The following MRPS9 variants were observed in gnomAD, a reference collection of about 807,000 sequenced individuals.
The protein encoded by MRPS9 is small ribosomal subunit protein uS9m.
MRPS9 carries 45 observed loss-of-function variants against 59.9 expected under a neutral mutation model. The ratio of observed to expected loss-of-function variants is 0.75; its 90% CI spans 0.59 to 0.96. The LOEUF is 0.96. Ranked by LOEUF, MRPS9 falls within the 40% of genes least tolerant of loss-of-function variation. The pLI is 0.00. For synonymous variants in MRPS9, 171 were observed against 166.8 expected, an observed-to-expected ratio of 1.03 and a Z score of -0.19; for missense variants, 473 against 481.1, an observed-to-expected ratio of 0.98 and a Z score of 0.16.
chr2:105,097,006 T>G (rs1680674873), intron 9 of MRPS9, 149 bp from the exon 10 acceptor site: 1 of 721,716 alleles, frequency 1.4e-6, no homozygotes. Context: ...TGTTTCTATA[T>G]CTTGGTAAAA....
intron 2 of MRPS9, among the ~76,000 whole-genome samples, chr2:105,061,771 G>A (rs572856663): frequency 3.9e-5 from 6 of 152,238 alleles, no homozygotes; most frequent in African/African-American, 1.4e-4. Flanking sequence ...GATACTGTTC[G>A]TATGGGTGCT....
At chr2:105,040,553 C>A (rs563896927) in intron 1 of MRPS9, among the ~76,000 whole-genome samples, 1 of 152,114 alleles carries the variant, frequency 6.6e-6, no homozygotes, top group Non-Finnish European at 1.5e-5. Context: ...GAAAAAGAAG[C>A]GAGTTTTGTT....
intron 2 of MRPS9, among the ~76,000 whole-genome samples, chr2:105,052,209 G>A (rs559088442): frequency 6.6e-6 from 1 of 152,282 alleles, no homozygotes; most frequent in Non-Finnish European, 1.5e-5. Flanking sequence ...GATCTTGGGG[G>A]AAAGCATTCA....
chr2:105,079,969 C>T lies in MRPS9; in HGVS notation c.410-14C>T. ...TATATTTTTATTTGCTTTCATCTGG[C>T]TTTTTTAAATCAGCAATCCAGTGGG... is the stretch of plus-strand genomic sequence containing the variant. On this transcript the variant is annotated splice_polypyrimidine_tract_variant and intron_variant, in intron 4 of 10. Transcript: ENST00000258455. The T allele has an allele frequency of 6.2e-7, 1 of 1,604,862 alleles. No individual in the cohort carries two copies. Among genetic ancestry groups the T allele is most frequent in the East Asian group, 2.2e-5 (1 of 44,538 alleles).
Position 105,079,963 on chromosome 2 carries a change from A to G in MRPS9, c.410-20A>G. 2 of 1,598,594 alleles carry G rather than the reference A, an allele frequency of 1.3e-6. No individual in the cohort carries two copies. Among genetic ancestry groups the G allele is most frequent in the Non-Finnish European group, 1.7e-6 (2 of 1,168,658 alleles). On this transcript the variant is annotated intron_variant, in intron 4 of 10. Transcript: ENST00000258455. ...TCTGTGTATATTTTTATTTGCTTTC[A>G]TCTGGCTTTTTTAAATCAGCAATCC...
chr2:105,056,533 TA>T (rs1181154378), intron 2 of MRPS9, among the ~76,000 whole-genome samples: 1 of 152,326 alleles, frequency 6.6e-6, no homozygotes, highest in South Asian at 2.1e-4. Flanking sequence ...CTGGCATAAC[TA>T]AACTCGTTAA....
At chr2:105,038,304 G>A in intron 1 of MRPS9, 77 bp downstream of exon 1, 1 of 1,541,306 alleles carries the variant, frequency 6.5e-7, no homozygotes, top group South Asian at 1.2e-5. Context: ...CCTTCCCCCA[G>A]CGTCTCGCGT....
chr2:105,099,763 G>C lies in MRPS9; in HGVS notation c.*2G>C, dbSNP rs776402704. 7 of 1,613,902 alleles carry C rather than the reference G, an allele frequency of 4.3e-6. No individual in the cohort carries two copies. In the African/African-American group the frequency reaches 6.7e-5, roughly 15 times the overall value. On this transcript the variant is annotated 3_prime_UTR_variant, in exon 11 of 11. Coordinates refer to ENST00000258455, the MANE Select transcript of MRPS9 (RefSeq NM_182640.3). ...AAGTTTACGTGGAAGAAACGCTAAGGGTTTGCTCCCAGGAAAGGAGAGGAA... is the reference window on the plus strand; with the variant it reads ...AAGTTTACGTGGAAGAAACGCTAAGCGTTTGCTCCCAGGAAAGGAGAGGAA...
At chr2:105,063,293 T>A (rs957492231) in intron 2 of MRPS9, among the ~76,000 whole-genome samples, 1 of 152,170 alleles carries the variant, frequency 6.6e-6, no homozygotes, top group African/African-American at 2.4e-5. Flanking sequence ...CAAACAAAAA[T>A]TTATTAAAAC....
At chr2:105,062,677 G>C (rs1294082866) in intron 2 of MRPS9, among the ~76,000 whole-genome samples, 1 of 152,168 alleles carries the variant, frequency 6.6e-6, no homozygotes, top group African/African-American at 2.4e-5. Flanking sequence ...CATTAGTACA[G>C]TGCTGAGTTG....
chr2:105,050,377 C>T (rs7599487), intron 2 of MRPS9, among the ~76,000 whole-genome samples: 7,519 of 152,136 alleles, frequency 0.049, 562 homozygotes, highest in East Asian at 0.19. Context: ...TGACCTCTGG[C>T]GATCCACCCA....
rs918250199 is a variant in MRPS9, at chr2:105,096,317, A to G, written c.930-838A>G. The stretch of plus-strand genomic sequence containing the variant: ...CAGCATCAAAGAAAGCAAACGCAAT[A>G]TAAGTGAGCTTTTCTGCATAAAAGT... On this transcript the variant is annotated intron_variant, in intron 9 of 10. Transcript: ENST00000258455. 3.3e-5 allele frequency among the ~76,000 whole-genome samples: 5 copies of G among 152,218 alleles called. No individual in the cohort carries two copies. In the South Asian group the frequency reaches 6.2e-4, roughly 19 times the overall value.
chr2:105,051,787 CT>C (rs1433696513), intron 2 of MRPS9, among the ~76,000 whole-genome samples: 1 of 143,100 alleles, frequency 7.0e-6, no homozygotes, highest in Non-Finnish European at 1.6e-5. Context: ...GTATTAATGT[CT>C]TAACTTCTAT....
At chr2:105,061,332 T>C (rs901551872) in intron 2 of MRPS9, among the ~76,000 whole-genome samples, 10 of 142,828 alleles carry the variant, frequency 7.0e-5, no homozygotes, top group African/African-American at 1.8e-4. Context: ...AATCTTAACA[T>C]TGGGCCTTGT....
chr2:105,083,911 T>C (rs1157938491), intron 5 of MRPS9, among the ~76,000 whole-genome samples: 1 of 152,128 alleles, frequency 6.6e-6, no homozygotes, highest in Non-Finnish European at 1.5e-5. Context: ...GGGAGGACCA[T>C]AGTACAGAAT....
At chr2:105,044,292 C>A (rs551566885) in intron 1 of MRPS9, among the ~76,000 whole-genome samples, 44 of 152,284 alleles carry the variant, frequency 2.9e-4, no homozygotes, top group East Asian at 1.5e-3. Context: ...GTGTTTTTAG[C>A]TAAAGATCTG....
intron 2 of MRPS9, among the ~76,000 whole-genome samples, chr2:105,058,253 C>T (rs1407607154): frequency 6.6e-6 from 1 of 152,146 alleles, no homozygotes; most frequent in Admixed American, 6.6e-5. Flanking sequence ...AATAAATTAG[C>T]ACCTGTACAT....
At chr2:105,047,143 T>C (rs1039519372) in intron 1 of MRPS9, among the ~76,000 whole-genome samples, 6 of 151,924 alleles carry the variant, frequency 3.9e-5, no homozygotes, top group African/African-American at 1.2e-4. Flanking sequence ...CATTAGCCAG[T>C]TGTGGTCATG....
chr2:105,046,156 G>A (rs375713790), intron 1 of MRPS9, among the ~76,000 whole-genome samples: 20 of 152,020 alleles, frequency 1.3e-4, no homozygotes, highest in South Asian at 4.2e-4. Context: ...GTGAGCCACC[G>A]CACCCAGACA....
Sources: allele counts gnomAD v4.1 joint callset (sites outside exome capture counted in the v4.1 genomes callset), GRCh38; gene constraint gnomAD v4.1.1; transcripts MANE v1.5; gene names NCBI Gene and HGNC (gene_info 2026-07-23, HGNC 2026-07-21).